CDH2: variants seen among roughly 807,000 people sequenced by gnomAD.
CDH2 encodes the protein cadherin-2.
A neutral mutation model predicts 92.0 loss-of-function variants in CDH2; 17 were observed. That is an observed-to-expected ratio of 0.18 (90% confidence interval 0.13 to 0.28). The LOEUF is 0.28. Ranked by LOEUF, CDH2 falls within the 10% of genes least tolerant of loss-of-function variation. The pLI, the probability that CDH2 is intolerant of heterozygous loss-of-function variation, is 1.00. For synonymous variants in CDH2, 419 were observed against 415.9 expected (o/e 1.01, Z -0.09); for missense variants, 862 against 1,133.1 (o/e 0.76, Z 3.44).
intron 2 of CDH2, among the ~76,000 whole-genome samples, chr18:28,134,135 C>CAAAAAAAAAAAAA (rs34083301): frequency 3.3e-5 from 3 of 91,606 alleles, no homozygotes; most frequent in South Asian, 3.9e-4. Context: ...ACTAAATTTA[C>CAAAAAAAAAAAAA]AAAAAAAAAA....
At chr18:28,128,971 A>G (rs2015722205) in intron 2 of CDH2, among the ~76,000 whole-genome samples, 1 of 152,186 alleles carries the variant, frequency 6.6e-6, no homozygotes, top group Admixed American at 6.5e-5. Context: ...TCAATATGTA[A>G]ACTACTTTCA....
intron 14 of CDH2, among the ~76,000 whole-genome samples, chr18:27,965,630 G>A (rs2011513603): frequency 6.6e-6 from 1 of 152,160 alleles, no homozygotes; most frequent in African/African-American, 2.4e-5. Context: ...TAGAATTTGA[G>A]TTATTTACGG....
At chr18:27,944,935 T>C (rs1489802533) in intron 6 of CDH2, among the ~76,000 whole-genome samples, 2 of 152,070 alleles carry the variant, frequency 1.3e-5, no homozygotes, top group Non-Finnish European at 2.9e-5. Context: ...GTAATTCTCA[T>C]GTAGGCTTAG....
intron 2 of CDH2, among the ~76,000 whole-genome samples, chr18:28,122,651 C>G (rs372764821): frequency 2.0e-5 from 3 of 151,978 alleles, no homozygotes; most frequent in Non-Finnish European, 2.9e-5. Flanking sequence ...CAAGTTAGCA[C>G]GAAGATTTCT....
At chr18:28,051,882 G>C (rs17494108) in intron 2 of CDH2, among the ~76,000 whole-genome samples, 1,943 of 152,188 alleles carry the variant, frequency 0.013, 55 homozygotes, top group African/African-American at 0.045. Flanking sequence ...CACAAAAAGA[G>C]AGAAAAGTAC....
In CDH2 at chr18:27,940,010, C is replaced by A. The variant is rs17497799; in HGVS notation, c.1152-6886G>T. Among the ~76,000 whole-genome samples, 104 of 152,274 alleles carry A rather than the reference C, an allele frequency of 6.8e-4. 1 individual carries two copies. In the East Asian group the frequency reaches 0.016, roughly 24 times the overall value. On this transcript the variant is annotated intron_variant, in intron 6 of 6. Coordinates refer to the CDH2 transcript ENST00000675173. ...TCAATTTGGGACCACCCTGAAGGAC[C>A]AATATAGTTTTCTAGTTTCCTCAGG...
At position 28,131,566 on chromosome 18, in the gene CDH2, T is replaced by C. The variant is rs139907870; in HGVS notation, c.172+16107A>G. 2.0e-4 allele frequency among the ~76,000 whole-genome samples: 30 copies of C among 152,340 alleles called. No individual in the cohort carries two copies. In the East Asian group the frequency reaches 5.2e-3, roughly 26 times the overall value. On this transcript the variant is annotated intron_variant, in intron 2 of 15. Transcript: ENST00000269141. ...TTTTTTTCCTGTACTCTCCATCTTA[T>C]GTTTTTATGAGAAAACCAAAATATT...
chr18:28,037,546 G>A (rs1195734260), intron 2 of CDH2, among the ~76,000 whole-genome samples: 14 of 152,184 alleles, frequency 9.2e-5, no homozygotes, highest in Non-Finnish European at 2.9e-5. Flanking sequence ...TTAGGATTCT[G>A]AGAGGTGAGA....
intron 7 of CDH2, among the ~76,000 whole-genome samples, chr18:27,996,282 G>C (rs1192904517): frequency 6.6e-6 from 1 of 152,026 alleles, no homozygotes; most frequent in South Asian, 2.1e-4. Context: ...TACACAGAGT[G>C]AACATTTTGG....
At chr18:28,108,009 T>C (rs560561589) in intron 2 of CDH2, among the ~76,000 whole-genome samples, 1 of 152,332 alleles carries the variant, frequency 6.6e-6, no homozygotes, top group South Asian at 2.1e-4. Flanking sequence ...TCTTCCCCTC[T>C]GTTACAAATT....
intron 1 of CDH2, among the ~76,000 whole-genome samples, chr18:28,152,724 A>G (rs2016144143): frequency 6.6e-6 from 1 of 152,194 alleles, no homozygotes; most frequent in Non-Finnish European, 1.5e-5. Context: ...ACAGATTTTA[A>G]GCACAGACCG....
At chr18:27,938,505 T>C (rs986644881) in intron 6 of CDH2, among the ~76,000 whole-genome samples, 1 of 152,192 alleles carries the variant, frequency 6.6e-6, no homozygotes, top group African/African-American at 2.4e-5. Context: ...TAAAATGTTA[T>C]GGGAAAACAA....
chr18:28,049,286 C>T (rs641876), intron 2 of CDH2, among the ~76,000 whole-genome samples: 4,925 of 152,212 alleles, frequency 0.032, 235 homozygotes, highest in African/African-American at 0.11. Flanking sequence ...TACACAGAAA[C>T]GTGCTATGGG....
intron 14 of CDH2, among the ~76,000 whole-genome samples, chr18:27,975,862 G>T (rs925073398): frequency 1.3e-5 from 2 of 152,120 alleles, no homozygotes; most frequent in African/African-American, 4.8e-5. Context: ...TCAGCAGAGA[G>T]GGGAGCTGGA....
At chr18:28,142,425 G>C (rs928456353) in intron 2 of CDH2, among the ~76,000 whole-genome samples, 2 of 151,038 alleles carry the variant, frequency 1.3e-5, no homozygotes, top group Non-Finnish European at 3.0e-5. Context: ...TACATCGAAA[G>C]GGATATAAAA....
At chr18:28,149,383 A>T (rs1307181000) in intron 1 of CDH2, among the ~76,000 whole-genome samples, 2 of 152,244 alleles carry the variant, frequency 1.3e-5, no homozygotes, top group Non-Finnish European at 2.9e-5. Context: ...TACATCTCAG[A>T]GGCAAACTAA....
chr18:28,136,243 A>G (rs1257217055), intron 2 of CDH2, among the ~76,000 whole-genome samples: 1 of 152,216 alleles, frequency 6.6e-6, no homozygotes, highest in East Asian at 1.9e-4. Context: ...AATCAAAGGC[A>G]GTATTATCAG....
chr18:27,993,697 T>TTA, intron 7 of CDH2, 60 bp from the exon 8 acceptor site: 2 of 1,308,496 alleles, frequency 1.5e-6, no homozygotes, highest in Non-Finnish European at 2.2e-6. Context: ...GACATAACAG[T>TTA]TGTTCTGTAA....
chr18:28,167,623 T>C (rs985791487), intron 1 of CDH2, among the ~76,000 whole-genome samples: 5 of 152,114 alleles, frequency 3.3e-5, no homozygotes, highest in African/African-American at 1.2e-4. Flanking sequence ...ACGGTTAAAA[T>C]TGGAAGGAGG....
Sources: gnomAD v4.1 joint callset for allele counts (sites outside exome capture counted in the v4.1 genomes callset) on GRCh38, gnomAD v4.1.1 for gene constraint, MANE v1.5 for transcripts, NCBI Gene and HGNC (gene_info 2026-07-23, HGNC 2026-07-21) for gene names.